PLXNA4: variants seen among roughly 807,000 people sequenced by gnomAD.
The protein encoded by PLXNA4 is plexin-A4.
Under a neutral mutation model 191.8 loss-of-function variants are expected in PLXNA4, and 44 were observed. The observed-to-expected ratio is 0.23, with a 90% CI of 0.18 to 0.29. The LOEUF is 0.29. Among genes scored for constraint, PLXNA4 ranks in the 10% least tolerant of loss-of-function variants. The pLI is 1.00. For missense variants in PLXNA4, 1,800 were observed against 2,488.8 expected (o/e 0.72, Z 5.89); for synonymous variants, 1,082 against 1,009.5 (o/e 1.07, Z -1.36).
intron 1 of PLXNA4, among the ~76,000 whole-genome samples, chr7:132,513,717 G>C (rs1234268097): frequency 6.8e-6 from 1 of 146,520 alleles, no homozygotes; most frequent in Admixed American, 7.0e-5. Context: ...CTGTCACCCA[G>C]GCTAGAGTGC....
intron 1 of PLXNA4, among the ~76,000 whole-genome samples, chr7:132,555,495 C>T (rs1214001723): frequency 6.6e-6 from 1 of 152,220 alleles, no homozygotes; most frequent in African/African-American, 2.4e-5. Context: ...ATCTGAAGAA[C>T]AGGCAACAAT....
intron 4 of PLXNA4, among the ~76,000 whole-genome samples, chr7:132,287,303 T>C (rs1214511835): frequency 1.3e-5 from 2 of 152,228 alleles, no homozygotes; most frequent in Non-Finnish European, 2.9e-5. Context: ...CCCAAAGTGC[T>C]AGGATTAACA....
intron 3 of PLXNA4, among the ~76,000 whole-genome samples, chr7:132,344,548 A>G (rs1336342493): frequency 1.3e-5 from 2 of 151,874 alleles, no homozygotes; most frequent in Non-Finnish European, 2.9e-5. Flanking sequence ...CCCCTGTCCA[A>G]TGAGGGCCAG....
intron 20 of PLXNA4, among the ~76,000 whole-genome samples, chr7:132,178,695 A>ACCACAT (rs1796558280): frequency 1.1e-5 from 1 of 90,802 alleles, no homozygotes; most frequent in African/African-American, 5.6e-5. Flanking sequence ...TTGTAAATGA[A>ACCACAT]ACACATACAC....
intron 3 of PLXNA4, among the ~76,000 whole-genome samples, chr7:132,435,222 C>T (rs529932788): frequency 6.6e-6 from 1 of 152,084 alleles, no homozygotes; most frequent in Admixed American, 6.5e-5. Flanking sequence ...GTGTCAGCTG[C>T]GGGTCCACAA....
At chr7:132,444,203 T>C (rs1349630879) in intron 3 of PLXNA4, among the ~76,000 whole-genome samples, 3 of 152,250 alleles carry the variant, frequency 2.0e-5, no homozygotes, top group African/African-American at 7.2e-5. Flanking sequence ...ACTCACCTTC[T>C]CATCATTTTA....
At chr7:132,398,244 C>T (rs1793839802) in intron 3 of PLXNA4, among the ~76,000 whole-genome samples, 1 of 152,230 alleles carries the variant, frequency 6.6e-6, no homozygotes, top group South Asian at 2.1e-4. Flanking sequence ...TGGATCAATG[C>T]TAAGCAGAAA....
intron 3 of PLXNA4, among the ~76,000 whole-genome samples, chr7:132,378,490 C>T (rs1030896368): frequency 6.6e-6 from 1 of 152,168 alleles, no homozygotes; most frequent in African/African-American, 2.4e-5. Context: ...GTTGTCACCT[C>T]TCCCCTAGCA....
chr7:132,597,213 A>G (rs560189533), intron 2 of PLXNA4, among the ~76,000 whole-genome samples: 7 of 152,202 alleles, frequency 4.6e-5, no homozygotes, highest in African/African-American at 1.4e-4. Flanking sequence ...ATTCACTTTG[A>G]ATTTTTCCCT....
At chr7:132,382,855 G>A (rs1804953629) in intron 3 of PLXNA4, among the ~76,000 whole-genome samples, 1 of 152,006 alleles carries the variant, frequency 6.6e-6, no homozygotes, top group South Asian at 2.1e-4. Flanking sequence ...GTGTGCATGT[G>A]TATATTTATA....
rs1803108744 is a variant in PLXNA4 at position 132,614,265 on chromosome 7, C to CT, written c.-87+31662dup. 3.3e-5 allele frequency among the ~76,000 whole-genome samples: 5 copies of CT among 152,282 alleles called. No individual in the cohort carries two copies. The South Asian group carries it at 1.0e-3, about 32-fold the overall frequency. ...AACGATTATTGAGGTATTTTACACT[C>CT]TTTTTTTCAGAACGCTAAAAATCCA... On this transcript the variant is annotated intron_variant, in intron 2 of 4. Coordinates refer to the PLXNA4 transcript ENST00000378539.
At chr7:132,160,014 A>G (rs1020196562) in intron 24 of PLXNA4, among the ~76,000 whole-genome samples, 3 of 152,176 alleles carry the variant, frequency 2.0e-5, no homozygotes, top group African/African-American at 7.2e-5. Flanking sequence ...TCACATGCAT[A>G]CAGGAGGCAG....
chr7:132,511,632 C>T (rs1353460530), intron 1 of PLXNA4, among the ~76,000 whole-genome samples: 1 of 152,110 alleles, frequency 6.6e-6, no homozygotes, highest in African/African-American at 2.4e-5. Context: ...CTGCCTAGCA[C>T]AGTTAAGTGC....
chr7:132,579,324 G>T (rs925715416), upstream of PLXNA4, among the ~76,000 whole-genome samples: 3 of 152,082 alleles, frequency 2.0e-5, no homozygotes, highest in South Asian at 4.1e-4. Context: ...CTGAAAGGAA[G>T]GGGGGAAGGT....
chr7:132,224,927 T>C (rs1452162285), intron 8 of PLXNA4, among the ~76,000 whole-genome samples: 2 of 152,008 alleles, frequency 1.3e-5, no homozygotes, highest in South Asian at 2.1e-4. Context: ...AAAACAGGAG[T>C]ATGTTAAAAC....
At chr7:132,457,401 C>T (rs1172162841) in intron 3 of PLXNA4, among the ~76,000 whole-genome samples, 1 of 152,182 alleles carries the variant, frequency 6.6e-6, no homozygotes, top group African/African-American at 2.4e-5. Flanking sequence ...AAGCACATGT[C>T]CCCCATTGCA....
At chr7:132,628,174 A>T (rs933606570) in intron 2 of PLXNA4, among the ~76,000 whole-genome samples, 2 of 152,210 alleles carry the variant, frequency 1.3e-5, no homozygotes, top group Non-Finnish European at 2.9e-5. Flanking sequence ...AATTTATTCT[A>T]TCCTCATATT....
intron 4 of PLXNA4, among the ~76,000 whole-genome samples, chr7:132,293,223 T>C (rs947214712): frequency 1.3e-5 from 2 of 152,216 alleles, no homozygotes; most frequent in Admixed American, 1.3e-4. Context: ...TGCTCATCTC[T>C]TCGCCTGTTG....
chr7:132,498,115 A>G (rs896515105), intron 2 of PLXNA4, among the ~76,000 whole-genome samples: 1 of 152,232 alleles, frequency 6.6e-6, no homozygotes, highest in Non-Finnish European at 1.5e-5. Flanking sequence ...ATAGAAGAGT[A>G]GAGCACAATA....
Sources: gnomAD v4.1 joint callset for allele counts (sites outside exome capture counted in the v4.1 genomes callset) on GRCh38, gnomAD v4.1.1 for gene constraint, MANE v1.5 for transcripts, NCBI Gene and HGNC (gene_info 2026-07-23, HGNC 2026-07-21) for gene names.